The following DENND1A variants were observed in gnomAD, a reference collection of about 807,000 sequenced individuals.
DENND1A encodes the protein DENN domain-containing protein 1A.
In DENND1A, 51 loss-of-function variants were observed where a neutral mutation model predicts 113.7. The ratio of observed to expected loss-of-function variants is 0.45; its 90% CI spans 0.36 to 0.57. The LOEUF is 0.57. Among genes scored for constraint, DENND1A ranks in the 20% least tolerant of loss-of-function variants. The pLI is 0.00. For missense variants in DENND1A, 1,258 were observed against 1,395.9 expected (o/e 0.90, Z 1.57); for synonymous variants, 565 against 570.8 (o/e 0.99, Z 0.14).
At chr9:123,388,652 G>A (rs948390361) in intron 21 of DENND1A, among the ~76,000 whole-genome samples, 2 of 152,122 alleles carry the variant, frequency 1.3e-5, no homozygotes, top group African/African-American at 4.8e-5. Flanking sequence ...CATCTCCCTT[G>A]TCAGCCACCT....
chr9:123,780,133 C>T (rs1483728910), intron 3 of DENND1A, among the ~76,000 whole-genome samples: 2 of 152,170 alleles, frequency 1.3e-5, no homozygotes, highest in African/African-American at 2.4e-5. Flanking sequence ...GGATTACAGG[C>T]GTGAGCCACC....
At chr9:123,429,206 C>T (rs560430742) in intron 19 of DENND1A, among the ~76,000 whole-genome samples, 1 of 152,282 alleles carries the variant, frequency 6.6e-6, no homozygotes, top group Non-Finnish European at 1.5e-5. Flanking sequence ...ACCAATGGAA[C>T]AGAATATAAC....
At chr9:123,822,524 T>C (rs750300325) in intron 2 of DENND1A, among the ~76,000 whole-genome samples, 8 of 152,192 alleles carry the variant, frequency 5.3e-5, no homozygotes, top group Non-Finnish European at 8.8e-5. Flanking sequence ...CTGAACCTTG[T>C]ACTAAGTCAG....
chr9:123,806,097 G>A (rs1835506759), intron 2 of DENND1A, among the ~76,000 whole-genome samples: 1 of 151,818 alleles, frequency 6.6e-6, no homozygotes, highest in Non-Finnish European at 1.5e-5. Context: ...GGGATTACAA[G>A]CACCCGCCAC....
chr9:123,766,329 G>A (rs1452894717), intron 4 of DENND1A, among the ~76,000 whole-genome samples: 1 of 152,086 alleles, frequency 6.6e-6, no homozygotes, highest in African/African-American at 2.4e-5. Context: ...TATAATTCCT[G>A]GACTAGACTG....
At chr9:123,813,280 A>C (rs1340114779) in intron 2 of DENND1A, among the ~76,000 whole-genome samples, 1 of 152,142 alleles carries the variant, frequency 6.6e-6, no homozygotes, top group Non-Finnish European at 1.5e-5. Flanking sequence ...GCTTTTTTAC[A>C]TCTTAGTCAA....
At chr9:123,412,951 A>T (rs1323858905) in intron 19 of DENND1A, among the ~76,000 whole-genome samples, 1 of 152,250 alleles carries the variant, frequency 6.6e-6, no homozygotes, top group Non-Finnish European at 1.5e-5. Flanking sequence ...TGGGAGGCCA[A>T]GGTGGGCGGA....
Position 123,422,231 on chromosome 9 carries a change from A to G in DENND1A, c.1489-10402T>C, listed in dbSNP as rs2045364759. 2.0e-5 allele frequency among the ~76,000 whole-genome samples: 3 copies of G among 152,210 alleles called. No individual in the cohort carries two copies. The highest frequency in any genetic ancestry group is 2.0e-4 in the Admixed American group (3 of 15,282). On this transcript the variant is annotated intron_variant, in intron 19 of 23. Coordinates refer to ENST00000394215, the MANE Select transcript of DENND1A (RefSeq NM_001352964.2). This position sits in a 1 kb window ranked among gnomAD's most constrained non-coding sequence, Gnocchi z 4.8. ...ATTATCAGTGAAGCCATCACCCAGC[A>G]TCTGAATAATGCCAGACCCGCCAGT...
In DENND1A at chr9:123,393,019, T is replaced by A. The variant is rs1030955420; in HGVS notation, c.1632-5161A>T. 2.0e-5 allele frequency among the ~76,000 whole-genome samples: 3 copies of A among 152,230 alleles called. No homozygotes were observed. The South Asian group carries it at 6.2e-4, about 32-fold the overall frequency. Reference sequence around the variant, plus strand: ...CATTCCTTTTTATGACTGAGTAGTATTCCATCATAGATATACCACAGTTTC... The same window carrying A: ...CATTCCTTTTTATGACTGAGTAGTAATCCATCATAGATATACCACAGTTTC... On this transcript the variant is annotated intron_variant, in intron 21 of 23. Coordinates refer to ENST00000394215, the MANE Select transcript of DENND1A (RefSeq NM_001352964.2).
intron 8 of DENND1A, 43 bp from the exon 9 acceptor site, chr9:123,652,166 G>T: frequency 6.6e-7 from 1 of 1,505,918 alleles, no homozygotes; most frequent in Non-Finnish European, 9.2e-7. Context: ...GATTTTCTTT[G>T]TTCTTATTAT....
chr9:123,884,121 T>C (rs1848688585), intron 1 of DENND1A, among the ~76,000 whole-genome samples: 1 of 152,182 alleles, frequency 6.6e-6, no homozygotes, highest in Non-Finnish European at 1.5e-5. Context: ...TAAATGCAAA[T>C]AGCCAAGCAA....
At chr9:123,450,948 AG>A (rs2047676369) in intron 17 of DENND1A, among the ~76,000 whole-genome samples, 199 bp from the exon 18 acceptor site, 1 of 152,198 alleles carries the variant, frequency 6.6e-6, no homozygotes, top group African/African-American at 2.4e-5. Context: ...AAGAGGCTGC[AG>A]AGATTTTATT....
chr9:123,909,897 A>G (rs1262029599), intron 1 of DENND1A, among the ~76,000 whole-genome samples: 5 of 152,212 alleles, frequency 3.3e-5, no homozygotes, highest in African/African-American at 1.2e-4. Flanking sequence ...AGTAAAAACT[A>G]GAAAATGACA....
intron 7 of DENND1A, among the ~76,000 whole-genome samples, chr9:123,670,144 C>T (rs2063694961): frequency 1.3e-5 from 2 of 152,116 alleles, no homozygotes; most frequent in Admixed American, 1.3e-4. Flanking sequence ...CTGGTAGTAA[C>T]ACTGCTTTCA....
chr9:123,631,697 A>C (rs971025758), intron 9 of DENND1A, among the ~76,000 whole-genome samples: 1 of 152,200 alleles, frequency 6.6e-6, no homozygotes, highest in African/African-American at 2.4e-5. Context: ...TTGCTCTGGC[A>C]CTGTTTACTG....
intron 3 of DENND1A, among the ~76,000 whole-genome samples, chr9:123,792,090 T>G (rs1376687164): frequency 6.6e-6 from 1 of 152,198 alleles, no homozygotes; most frequent in African/African-American, 2.4e-5. Flanking sequence ...TAACTCACTA[T>G]CCTCATCAGC....
intron 10 of DENND1A, among the ~76,000 whole-genome samples, chr9:123,627,257 C>T (rs1375690721): frequency 6.6e-6 from 1 of 152,182 alleles, no homozygotes; most frequent in Non-Finnish European, 1.5e-5. Flanking sequence ...AGTGGCAAGG[C>T]CAGGGAAGCA....
intron 12 of DENND1A, among the ~76,000 whole-genome samples, chr9:123,566,168 T>C (rs990917587): frequency 1.3e-5 from 2 of 152,250 alleles, no homozygotes; most frequent in African/African-American, 4.8e-5. Flanking sequence ...CAGGGTTTCT[T>C]AGACCACCAA....
At chr9:123,761,019 A>T (rs1049583370) in intron 4 of DENND1A, among the ~76,000 whole-genome samples, 1 of 152,202 alleles carries the variant, frequency 6.6e-6, no homozygotes, top group Non-Finnish European at 1.5e-5. Context: ...AAGGGTATCG[A>T]TAGGACTCGA....
Sources: gnomAD v4.1 joint callset for allele counts (sites outside exome capture counted in the v4.1 genomes callset) on GRCh38, gnomAD v4.1.1 for gene constraint, Gnocchi (gnomAD v3.1) non-coding constraint, MANE v1.5 for transcripts, NCBI Gene and HGNC (gene_info 2026-07-23, HGNC 2026-07-21) for gene names.